MRC1: variants seen among roughly 807,000 people sequenced by gnomAD.
The protein encoded by MRC1 is macrophage mannose receptor 1.
A neutral mutation model predicts 102.9 loss-of-function variants in MRC1; 62 were observed. The ratio of observed to expected loss-of-function variants is 0.60; its 90% CI spans 0.49 to 0.74. The LOEUF is 0.74. MRC1 is among the 30% of genes least tolerant of loss of function. The pLI is 0.00. For synonymous variants in MRC1, 457 were observed against 298.4 expected (o/e 1.53, Z -5.48); for missense variants, 1,237 against 862.8 (o/e 1.43, Z -5.43).
intron 22 of MRC1, among the ~76,000 whole-genome samples, chr10:17,892,834 A>AC (rs1833698541): frequency 6.6e-6 from 1 of 151,636 alleles, no homozygotes; most frequent in African/African-American, 2.4e-5. Context: ...ACATGGTGAA[A>AC]CCCCATCTCT....
intron 21 of MRC1, 63 bp from the exon 22 acceptor site, chr10:17,885,206 A>G (rs1833574973): frequency 1.3e-6 from 1 of 778,348 alleles, no homozygotes; most frequent in African/African-American, 1.7e-5. Flanking sequence ...TATTTTGAAT[A>G]TTTTCCATAT....
chr10:17,809,728 G>A (rs1299163038), intron 1 of MRC1, among the ~76,000 whole-genome samples: 1 of 152,124 alleles, frequency 6.6e-6, no homozygotes, highest in Non-Finnish European at 1.5e-5. Flanking sequence ...GGAGGGAGGA[G>A]GATGCGTCTC....
At chr10:17,845,523 C>A in intron 6 of MRC1, 88 bp downstream of exon 6, 1 of 763,922 alleles carries the variant, frequency 1.3e-6, no homozygotes, top group South Asian at 1.4e-5. Flanking sequence ...GTTGGAATGC[C>A]GCCAGAGGTT....
Position 17,898,027 on chromosome 10 carries a change from T to C in MRC1, c.3251-7T>C. On this transcript the variant is annotated splice_region_variant and splice_polypyrimidine_tract_variant and intron_variant, in intron 23 of 29. Transcript: ENST00000569591. ...ATAATGCTAATGAAAATAATGTTTT[T>C]ATCTAGACCCTTCCTTGACTAATCC... 1 of 780,876 alleles carries C rather than the reference T, an allele frequency of 1.3e-6. No individual in the cohort carries two copies. Among genetic ancestry groups the C allele is most frequent in the East Asian group, 2.4e-5 (1 of 41,258 alleles). The allele number at this position is 780,876 out of a possible 1,614,324, so 48.4% of individuals were successfully genotyped here.
chr10:17,889,765 T>A (rs1291189530), intron 22 of MRC1, among the ~76,000 whole-genome samples: 2 of 152,230 alleles, frequency 1.3e-5, no homozygotes, highest in African/African-American at 4.8e-5. Flanking sequence ...ACCAAATACA[T>A]TGCTGTCCAC....
intron 22 of MRC1, among the ~76,000 whole-genome samples, chr10:17,891,235 C>T (rs899229056): frequency 2.6e-5 from 4 of 151,544 alleles, no homozygotes; most frequent in African/African-American, 7.3e-5. Flanking sequence ...GGCGCGATCT[C>T]GGCTCACTAC....
At chr10:17,864,508 G>T (rs1470275733) in intron 11 of MRC1, among the ~76,000 whole-genome samples, 1 of 151,982 alleles carries the variant, frequency 6.6e-6, no homozygotes, top group Non-Finnish European at 1.5e-5. Context: ...TAAAAACCTT[G>T]CCAGGTAAGC....
chr10:17,845,937 T>A (rs1001614820), intron 6 of MRC1, among the ~76,000 whole-genome samples: 1 of 152,076 alleles, frequency 6.6e-6, no homozygotes, highest in Non-Finnish European at 1.5e-5. Flanking sequence ...TGAGACAGAG[T>A]CTCATTCTGT....
chr10:17,853,828 T>C (rs1833032094), intron 8 of MRC1, among the ~76,000 whole-genome samples: 1 of 152,198 alleles, frequency 6.6e-6, no homozygotes, highest in Non-Finnish European at 1.5e-5. Context: ...CAAATTTATC[T>C]TTTATTAATA....
chr10:17,878,326 C>T (rs1833464820), intron 18 of MRC1, among the ~76,000 whole-genome samples: 1 of 152,120 alleles, frequency 6.6e-6, no homozygotes, highest in South Asian at 2.1e-4. Flanking sequence ...CCTTGCTAAC[C>T]TTGCTGCTGG....
chr10:17,866,247 A>C (rs559886775), intron 11 of MRC1, among the ~76,000 whole-genome samples: 1,595 of 152,276 alleles, frequency 0.01, 21 homozygotes, highest in African/African-American at 0.036. Flanking sequence ...AAAAAGAAAG[A>C]AAGCAGAGAA....
At chr10:17,869,935 T>C (rs1410237697) in intron 12 of MRC1, among the ~76,000 whole-genome samples, 1 of 152,200 alleles carries the variant, frequency 6.6e-6, no homozygotes, top group African/African-American at 2.4e-5. Context: ...TTAACCAAAT[T>C]AATCTTGTCT....
At chr10:17,898,855 T>C (rs1833790602) in intron 24 of MRC1, among the ~76,000 whole-genome samples, 1 of 152,234 alleles carries the variant, frequency 6.6e-6, no homozygotes, top group African/African-American at 2.4e-5. Flanking sequence ...CTCTGATGCC[T>C]AGTCATGCAT....
intron 22 of MRC1, among the ~76,000 whole-genome samples, chr10:17,893,034 TA>T (rs1833702677): frequency 6.7e-6 from 1 of 150,032 alleles, no homozygotes; most frequent in Non-Finnish European, 1.5e-5. Flanking sequence ...AAATAGAAGA[TA>T]ACTGTGAAAA....
At chr10:17,813,655 A>G in intron 1 of MRC1, among the ~76,000 whole-genome samples, 1 of 128,244 alleles carries the variant, frequency 7.8e-6, no homozygotes, top group East Asian at 2.4e-4. Context: ...ATATACATAT[A>G]TATATATACA....
intron 3 of MRC1, among the ~76,000 whole-genome samples, chr10:17,828,540 G>A (rs1838519651): frequency 3.3e-5 from 5 of 151,410 alleles, no homozygotes; most frequent in Admixed American, 3.3e-4. Flanking sequence ...TTCAAAGGAA[G>A]CCACAAGCAT....
At chr10:17,872,299 C>T (rs1046453919) in intron 15 of MRC1, among the ~76,000 whole-genome samples, 173 bp downstream of exon 15, 2 of 152,058 alleles carry the variant, frequency 1.3e-5, no homozygotes, top group Admixed American at 6.6e-5. Context: ...ATAAATGTGC[C>T]AAAGGAACAG....
chr10:17,876,272 G>T (rs1191206066), intron 17 of MRC1, among the ~76,000 whole-genome samples: 1 of 147,478 alleles, frequency 6.8e-6, no homozygotes, highest in Non-Finnish European at 1.5e-5. Flanking sequence ...TTCTGAGACA[G>T]TGTCTTGCTC....
intron 7 of MRC1, among the ~76,000 whole-genome samples, chr10:17,850,587 A>G (rs1019445408): frequency 7.2e-5 from 11 of 152,312 alleles, no homozygotes; most frequent in Admixed American, 2.0e-4. Flanking sequence ...AAACAGCATA[A>G]TGATAATGGG....
Sources: allele counts gnomAD v4.1 joint callset (sites outside exome capture counted in the v4.1 genomes callset), GRCh38; gene constraint gnomAD v4.1.1; transcripts MANE v1.5; gene names NCBI Gene and HGNC (gene_info 2026-07-23, HGNC 2026-07-21).